TRDN: variants seen among roughly 807,000 people sequenced by gnomAD.
The protein encoded by TRDN is triadin.
In TRDN, 161 loss-of-function variants were observed where a neutral mutation model predicts 149.7. The observed-to-expected ratio is 1.08, with a 90% confidence interval of 0.95 to 1.23. TRDN has a LOEUF of 1.23. Ranked by LOEUF, TRDN falls within the 50% of genes most tolerant of loss-of-function variation. TRDN has a pLI of 0.00. For missense variants in TRDN, 896 were observed against 823.5 expected (o/e 1.09, Z -1.08); for synonymous variants, 294 against 250.5 (o/e 1.17, Z -1.64).
intron 12 of TRDN, among the ~76,000 whole-genome samples, chr6:123,400,188 T>A (rs1007361688): frequency 6.8e-6 from 1 of 146,656 alleles, no homozygotes; most frequent in Non-Finnish European, 1.5e-5. Flanking sequence ...TATATATATA[T>A]AAACACACAC....
chr6:123,631,699 C>T (rs1268208235), intron 1 of TRDN, among the ~76,000 whole-genome samples: 1 of 151,910 alleles, frequency 6.6e-6, no homozygotes, highest in Non-Finnish European at 1.5e-5. Flanking sequence ...CTAACAACAT[C>T]AACTCTGTTT....
rs373157447 is a variant in TRDN, at chr6:123,269,957, G to A, written c.1721-91C>T. 2,320 of 1,278,252 alleles carry A rather than the reference G, an allele frequency of 1.8e-3. 4 individuals carry two copies. The highest frequency in any genetic ancestry group is 2.3e-3 in the Non-Finnish European group (2,148 of 919,244). The allele number at this position is 1,278,252 out of a possible 1,614,324, so 79.2% of individuals were successfully genotyped here. ...TAGTATTTGTATTTACTTATTCTTA[G>A]TTTTAGGTCACCTCCTTAGCTTAAA... On this transcript the variant is annotated intron_variant, in intron 30 of 40. Transcript: ENST00000334268.
chr6:123,360,708 AGAGAGAGAGACG>A (rs1259997420), intron 20 of TRDN, among the ~76,000 whole-genome samples: 1,336 of 79,068 alleles, frequency 0.017, 22 homozygotes, highest in African/African-American at 0.086. Context: ...AGAGAAAGAG[AGAGAGAGAGACG>A]GAGAGAGAGA....
At chr6:123,308,127 C>T (rs1778682108) in intron 24 of TRDN, among the ~76,000 whole-genome samples, 1 of 151,972 alleles carries the variant, frequency 6.6e-6, no homozygotes, top group Non-Finnish European at 1.5e-5. Context: ...CTTTTCTGTT[C>T]CTGCACTGAT....
chr6:123,562,813 A>G (rs117863359), intron 2 of TRDN, among the ~76,000 whole-genome samples: 2,095 of 152,302 alleles, frequency 0.014, 28 homozygotes, highest in Admixed American at 0.022. Context: ...CCAAAGGAAA[A>G]ACTAGGATCC....
intron 1 of TRDN, among the ~76,000 whole-genome samples, chr6:123,620,634 T>G (rs1002409190): frequency 2.0e-5 from 3 of 152,154 alleles, no homozygotes; most frequent in African/African-American, 7.2e-5. Flanking sequence ...GAGGCAGAGT[T>G]AGGCTTTCCA....
intron 5 of TRDN, among the ~76,000 whole-genome samples, chr6:123,520,086 G>T (rs1779602606): frequency 1.3e-5 from 2 of 152,192 alleles, no homozygotes; most frequent in South Asian, 4.1e-4. Flanking sequence ...GTATGTCTTT[G>T]TGTGTATGTT....
intron 2 of TRDN, among the ~76,000 whole-genome samples, chr6:123,561,412 G>T (rs1339331165): frequency 6.6e-6 from 1 of 152,116 alleles, no homozygotes; most frequent in Non-Finnish European, 1.5e-5. Flanking sequence ...AGGCGGGTCT[G>T]TCCTCGGAAT....
At chr6:123,390,070 A>G (rs1345684934) in intron 13 of TRDN, among the ~76,000 whole-genome samples, 1 of 152,088 alleles carries the variant, frequency 6.6e-6, no homozygotes, top group Non-Finnish European at 1.5e-5. Context: ...CTCTCTAAAG[A>G]AAGACAAAAT....
chr6:123,344,656 G>T (rs769574387), intron 21 of TRDN, among the ~76,000 whole-genome samples: 4 of 151,932 alleles, frequency 2.6e-5, no homozygotes, highest in Non-Finnish European at 5.9e-5. Flanking sequence ...TAATGTACCA[G>T]AATTTATTTA....
At chr6:123,512,011 G>A (rs1404218106) in intron 7 of TRDN, among the ~76,000 whole-genome samples, 1 of 124,572 alleles carries the variant, frequency 8.0e-6, no homozygotes, top group East Asian at 2.2e-4. Flanking sequence ...TTTTTGCCAT[G>A]TAATATAACA....
At chr6:123,304,242 C>A (rs1334953702) in intron 24 of TRDN, among the ~76,000 whole-genome samples, 1 of 127,540 alleles carries the variant, frequency 7.8e-6, no homozygotes, top group Non-Finnish European at 1.6e-5. Flanking sequence ...TATTAATTTT[C>A]TTTTATTTTC....
intron 24 of TRDN, 131 bp downstream of exon 24, chr6:123,316,326 G>T: frequency 1.2e-6 from 1 of 819,170 alleles, no homozygotes; most frequent in Non-Finnish European, 2.0e-6. Context: ...ATGGCACATA[G>T]CATCAGTATT....
intron 12 of TRDN, among the ~76,000 whole-genome samples, chr6:123,420,794 C>A (rs1311865974): frequency 1.3e-5 from 2 of 151,862 alleles, no homozygotes; most frequent in Non-Finnish European, 2.9e-5. Context: ...TTTTTTTTCT[C>A]TAGCCTAAAG....
intron 21 of TRDN, chr6:123,351,881 C>A: frequency 2.0e-6 from 2 of 984,786 alleles, no homozygotes; most frequent in Non-Finnish European, 2.4e-6. Context: ...TAAGAGAAGC[C>A]ACATCACTTT....
At chr6:123,232,846 C>T (rs1464515531) in intron 38 of TRDN, among the ~76,000 whole-genome samples, 2 of 151,952 alleles carry the variant, frequency 1.3e-5, no homozygotes, top group Non-Finnish European at 2.9e-5. Flanking sequence ...GTCCAGTCTG[C>T]TCTATATGCT....
chr6:123,242,533 A>G (rs551504094), intron 38 of TRDN, among the ~76,000 whole-genome samples: 3 of 152,292 alleles, frequency 2.0e-5, no homozygotes, highest in Admixed American at 1.3e-4. Context: ...GCTGGGAGCA[A>G]GATGGCTGTT....
At chr6:123,566,866 T>A (rs1782321616) in intron 2 of TRDN, among the ~76,000 whole-genome samples, 1 of 152,236 alleles carries the variant, frequency 6.6e-6, no homozygotes, top group Admixed American at 6.5e-5. Flanking sequence ...AAGAATTGCA[T>A]ATAAATCAAA....
intron 12 of TRDN, among the ~76,000 whole-genome samples, chr6:123,422,089 T>C (rs1382083491): frequency 1.3e-5 from 2 of 152,148 alleles, no homozygotes; most frequent in Non-Finnish European, 2.9e-5. Flanking sequence ...GTATTATATA[T>C]TGTAGGTAAT....
Sources: allele counts gnomAD v4.1 joint callset (sites outside exome capture counted in the v4.1 genomes callset), GRCh38; gene constraint gnomAD v4.1.1; transcripts MANE v1.5; gene names NCBI Gene and HGNC (gene_info 2026-07-23, HGNC 2026-07-21).